The following CFAP263 variants were observed in gnomAD, a reference collection of about 807,000 sequenced individuals.
The protein encoded by CFAP263 is cilia and flagella associated protein 263, also known as cilia- and flagella-associated protein 263.
chr16:58,262,787 A>ATAGATAGATAGATAGATAGATAGGTAGG, the CFAP263 span, among the ~76,000 whole-genome samples: 2 of 150,350 alleles, frequency 1.3e-5, no homozygotes, highest in African/African-American at 4.9e-5. Flanking sequence ...AGATAGATAG[A>ATAGATAGATAGATAGATAGATAGGTAGG]TAGATAGATA....
chr16:58,255,424 T>C, the CFAP263 span, among the ~76,000 whole-genome samples: 150,637 of 152,258 alleles, frequency 0.99, 74,524 homozygotes, highest in East Asian at 1. Flanking sequence ...TCAAATATCA[T>C]TCTCTTCTGG....
the CFAP263 span, chr16:58,254,034 A>G: frequency 6.2e-7 from 1 of 1,614,132 alleles, no homozygotes. Flanking sequence ...CCGGACAGGT[A>G]TGGACCGTGG....
At chr16:58,263,557 G>T in the CFAP263 span, among the ~76,000 whole-genome samples, 1 of 152,178 alleles carries the variant, frequency 6.6e-6, no homozygotes. Context: ...GTGGCTGTGG[G>T]CTTAGGTAGC....
At chr16:58,264,845 T>G in the CFAP263 span, among the ~76,000 whole-genome samples, 1 of 152,208 alleles carries the variant, frequency 6.6e-6, no homozygotes. Flanking sequence ...GAAACCTTGT[T>G]AAAGACATGC....
At chr16:58,259,675 C>T in the CFAP263 span, among the ~76,000 whole-genome samples, 3 of 152,144 alleles carry the variant, frequency 2.0e-5, no homozygotes, top group Admixed American at 6.5e-5. Context: ...TCCTCTGCTT[C>T]TTGGTCATGA....
the CFAP263 span, among the ~76,000 whole-genome samples, chr16:58,253,441 C>T: frequency 6.6e-6 from 1 of 151,966 alleles, no homozygotes; most frequent in African/African-American, 2.4e-5. Context: ...TTTACAAGGC[C>T]CAGCCAGCCA....
chr16:58,280,449 C>G, the CFAP263 span: 13 of 1,614,022 alleles, frequency 8.1e-6, no homozygotes, highest in Middle Eastern at 3.3e-4. Flanking sequence ...GTCGTGAATG[C>G]GTGATGGTCC....
the CFAP263 span, chr16:58,278,429 C>T: frequency 5.7e-6 from 9 of 1,579,196 alleles, no homozygotes; most frequent in Admixed American, 1.6e-4. Flanking sequence ...AGTGAGTTCT[C>T]AAAGCAAGAG....
At chr16:58,281,314 G>A in the CFAP263 span, 1 of 157,658 alleles carries the variant, frequency 6.3e-6, no homozygotes, top group Admixed American at 6.0e-5. Context: ...AGCTAGATAT[G>A]GGACCCTGGC....
the CFAP263 span, among the ~76,000 whole-genome samples, chr16:58,260,503 C>G: frequency 6.6e-6 from 1 of 152,316 alleles, no homozygotes; most frequent in East Asian, 1.9e-4. Context: ...TTTCTGTAGA[C>G]AGAGTTGGCG....
At chr16:58,263,125 T>C in the CFAP263 span, among the ~76,000 whole-genome samples, 1 of 152,226 alleles carries the variant, frequency 6.6e-6, no homozygotes, top group South Asian at 2.1e-4. Flanking sequence ...ACAAAGGGCC[T>C]GGCCCCAGCA....
the CFAP263 span, chr16:58,281,042 C>G: frequency 5.5e-5 from 21 of 381,940 alleles, no homozygotes; most frequent in South Asian, 9.9e-4. Flanking sequence ...TTTGGCCAAA[C>G]CTTCCCTCTC....
At chr16:58,253,934 C>G in the CFAP263 span, 1 of 1,573,426 alleles carries the variant, frequency 6.4e-7, no homozygotes, top group East Asian at 2.2e-5. Context: ...ATTCTGATGC[C>G]TATCTTGGGC....
At chr16:58,258,542 C>A in the CFAP263 span, 1 of 1,609,566 alleles carries the variant, frequency 6.2e-7, no homozygotes, top group Admixed American at 1.7e-5. Flanking sequence ...GCAGACAGAG[C>A]TTAGAAAGGG....
At chr16:58,274,646 G>T in the CFAP263 span, among the ~76,000 whole-genome samples, 1 of 152,198 alleles carries the variant, frequency 6.6e-6, no homozygotes, top group Admixed American at 6.5e-5. Context: ...AATGTGCCTT[G>T]CTTCTCCTTC....
the CFAP263 span, chr16:58,280,577 G>A: frequency 2.5e-6 from 4 of 1,614,062 alleles, no homozygotes; most frequent in African/African-American, 1.3e-5. Flanking sequence ...TCCCAGTGGT[G>A]GAGTGAGGAC....
chr16:58,278,748 G>A, the CFAP263 span: 1 of 1,008,546 alleles, frequency 9.9e-7, no homozygotes, highest in African/African-American at 1.6e-5. Flanking sequence ...TAATTTCTGG[G>A]AGAAACCTCA....
chr16:58,254,030 A>G, the CFAP263 span: 13 of 1,614,070 alleles, frequency 8.1e-6, no homozygotes, highest in African/African-American at 1.7e-4. Context: ...AATCCCGGAC[A>G]GGTATGGACC....
At chr16:58,278,461 A>G in the CFAP263 span, 2 of 1,612,474 alleles carry the variant, frequency 1.2e-6, no homozygotes, top group Non-Finnish European at 1.7e-6. Flanking sequence ...CCCTGGGTGT[A>G]ACTGGTCCTT....
Sources: allele counts gnomAD v4.1 joint callset (sites outside exome capture counted in the v4.1 genomes callset), GRCh38; gene constraint gnomAD v4.1.1; transcripts MANE v1.5; gene names NCBI Gene and HGNC (gene_info 2026-07-23, HGNC 2026-07-21).